Variants in SS18L1 observed in about 807,000 individuals in gnomAD.
SS18L1 encodes calcium-responsive transactivator.
SS18L1 carries 32 observed loss-of-function variants against 70.3 expected under a neutral mutation model. The observed-to-expected ratio is 0.46, with a 90% confidence interval of 0.34 to 0.61. The LOEUF is 0.61. Among genes scored for constraint, SS18L1 ranks in the 20% least tolerant of loss-of-function variants. The pLI is 0.01. For missense variants in SS18L1, 430 were observed against 542.1 expected (o/e 0.79, Z 2.05); for synonymous variants, 237 against 229.7 (o/e 1.03, Z -0.29).
rs2057267755 is a variant in SS18L1, at chr20:62,158,686, C to T, written c.84C>T (p.Asn28=). ...QQTIQKMLDE[N]HHLIQCILEY... ...TCTCTCCGCAGATGCTGGACGAGAACCACCACCTGATCCAGTGCATCCTGG... is the reference window on the plus strand; with the variant it reads ...TCTCTCCGCAGATGCTGGACGAGAATCACCACCTGATCCAGTGCATCCTGG... The change falls in exon 2 of 11, where the codon AAC becomes AAT. Residue 28 remains asparagine (N), a synonymous_variant. Coordinates refer to ENST00000331758, the MANE Select transcript of SS18L1 (RefSeq NM_198935.3). This position sits in a 1 kb window ranked among gnomAD's most constrained non-coding sequence, Gnocchi z 4.5. 1 of 1,612,590 alleles carries T rather than the reference C, an allele frequency of 6.2e-7. No homozygotes were observed. The highest frequency in any genetic ancestry group is 1.7e-5 in the Admixed American group (1 of 60,010).
rs1348952987 is a variant in SS18L1, at chr20:62,162,927, C to A, written c.552C>A (p.Asn184Lys). 1.2e-6 allele frequency: 2 copies of A among 1,611,396 alleles called. No homozygotes were observed. Among genetic ancestry groups the A allele is most frequent in the Non-Finnish European group, 1.7e-6 (2 of 1,179,692 alleles). ...GGACCAACATCAACATGCAGTCCAA[C>A]CCAGGTACCTACTCTGCCTCTGCAA... is the stretch of plus-strand genomic sequence containing the variant. ...VSRTNINMQS[N>K]PVSMMQQQAA... Residue 184 changes from asparagine to lysine, a missense_variant, in exon 5 of 11, where the codon AAC (asparagine) becomes AAA (lysine). Coordinates refer to ENST00000331758, the MANE Select transcript of SS18L1 (RefSeq NM_198935.3).
At chr20:62,154,462 C>T (rs2057187275) in intron 1 of SS18L1, 5 of 1,029,842 alleles carry the variant, frequency 4.9e-6, no homozygotes. Flanking sequence ...CGGAAACCTC[C>T]ATGGTGAGTT....
intron 4 of SS18L1, chr20:62,162,524 G>C: frequency 1.4e-5 from 7 of 489,582 alleles, no homozygotes; most frequent in Non-Finnish European, 2.1e-5. Context: ...GGCTGGTTTC[G>C]AACTCTTGAC....
intron 8 of SS18L1, among the ~76,000 whole-genome samples, chr20:62,168,254 AAG>A (rs1240347195): frequency 1.3e-5 from 2 of 152,086 alleles, no homozygotes; most frequent in East Asian, 3.9e-4. Flanking sequence ...CTTGATTTAG[AAG>A]CATTTTATTC....
Position 62,172,786 on chromosome 20 carries a change from C to T in SS18L1, c.1021C>T (p.Gln341Ter). 6.2e-7 allele frequency: 1 copy of T among 1,613,278 alleles called. No individual in the cohort carries two copies. Among genetic ancestry groups the T allele is most frequent in the Non-Finnish European group, 8.5e-7 (1 of 1,179,678 alleles). The part of the protein sequence containing the change: ...QYPSQQSYPG[Q>*]QQGYGSAQGA... The stretch of plus-strand genomic sequence containing the variant: ...CCCCAGCCAGCAGAGCTACCCCGGG[C>T]AGCAGCAGGGCTACGGTAAGAGGCG... The change falls in exon 9 of 11, where the codon CAG becomes TAG. Residue 341 changes from glutamine (Q) to a stop codon, truncating the protein, a stop_gained. Coordinates refer to ENST00000331758, the MANE Select transcript of SS18L1 (RefSeq NM_198935.3). LOFTEE classifies it high-confidence loss of function.
chr20:62,157,635 T>C (rs1420713510), intron 1 of SS18L1, among the ~76,000 whole-genome samples: 1 of 152,188 alleles, frequency 6.6e-6, no homozygotes, highest in Non-Finnish European at 1.5e-5. Context: ...CCTGAGTCAC[T>C]TGAAACTGGT....
rs145718196 is a variant in SS18L1, at chr20:62,161,539, G to T, written c.335G>T (p.Gly112Val). 8.7e-6 allele frequency: 14 copies of T among 1,612,066 alleles called. No individual in the cohort carries two copies. In the African/African-American group the frequency reaches 1.9e-4, roughly 22 times the overall value. The change falls in exon 4 of 11, where the codon GGC becomes GTC. Residue 112 changes from glycine to valine, a missense_variant. By Grantham distance (109) the Gly-to-Val change is moderately radical. Coordinates refer to ENST00000331758, the MANE Select transcript of SS18L1 (RefSeq NM_198935.3). The surrounding 1 kb of genome is among the most constrained non-coding windows in gnomAD (Gnocchi z 4.4). ...AGCCTGAGTGACGCCATCAGCACGG[G>T]CCTGCCACCCTCCTCCCTCCTGCAG... The part of the protein sequence containing the change: ...QGSLSDAIST[G>V]LPPSSLLQGQ...
Position 62,180,308 on chromosome 20 carries a change from C to T in SS18L1, c.*1100C>T, listed in dbSNP as rs1363991219. 1.1e-5 allele frequency: 2 copies of T among 190,074 alleles called. No homozygotes were observed. Among genetic ancestry groups the T allele is most frequent in the African/African-American group, 2.3e-5 (1 of 42,876 alleles). The allele number at this position is 190,074 out of a possible 1,614,324, so 11.8% of individuals were successfully genotyped here. A position where few individuals can be genotyped will look rare whatever the true frequency, so the allele number is the denominator to read the frequency against. On this transcript the variant is annotated 3_prime_UTR_variant, in exon 11 of 11. Transcript: ENST00000331758. ...AGAAACTTGAGTAATTTTTACATTT[C>T]TAAGACATTAAATCCCATTTAAATT...
At chr20:62,173,298 T>C (rs1337996986) in intron 9 of SS18L1, among the ~76,000 whole-genome samples, 2 of 152,202 alleles carry the variant, frequency 1.3e-5, no homozygotes, top group East Asian at 1.9e-4. Flanking sequence ...AGGTCTTTTG[T>C]TGGAGCAAGA....
At chr20:62,151,810 C>T (rs562471899) in intron 1 of SS18L1, among the ~76,000 whole-genome samples, 13 of 151,408 alleles carry the variant, frequency 8.6e-5, no homozygotes, top group East Asian at 6.1e-4. Flanking sequence ...CCCCCGTTCC[C>T]CTCTTTTCCC....
intron 5 of SS18L1, among the ~76,000 whole-genome samples, chr20:62,163,207 G>A (rs755048821): frequency 4.6e-5 from 7 of 152,164 alleles, no homozygotes; most frequent in Non-Finnish European, 1.0e-4. Context: ...GGGGGCCACT[G>A]GCCCTGGGTC....
At position 62,159,251 on chromosome 20, in the gene SS18L1, G is replaced by A. The variant is rs551839498; in HGVS notation, c.146+503G>A. Reference sequence around the variant, plus strand: ...ACCTCCTGTGACCCTGTGAACCTAGGGCCTGATGCGTAGGAGGGGTGCGTG... The same window carrying A: ...ACCTCCTGTGACCCTGTGAACCTAGAGCCTGATGCGTAGGAGGGGTGCGTG... On this transcript the variant is annotated intron_variant, in intron 2 of 10. Transcript: ENST00000331758. The surrounding 1 kb of genome is among the most constrained non-coding windows in gnomAD (Gnocchi z 4.4). 7.2e-4 allele frequency among the ~76,000 whole-genome samples: 109 copies of A among 152,274 alleles called. No individual in the cohort carries two copies. Among genetic ancestry groups the A allele is most frequent in the African/African-American group, 2.6e-3 (107 of 41,550 alleles).
chr20:62,153,827 C>T (rs1366420709), intron 1 of SS18L1, among the ~76,000 whole-genome samples: 1 of 152,188 alleles, frequency 6.6e-6, no homozygotes, highest in Non-Finnish European at 1.5e-5. Flanking sequence ...CTGGGATTTG[C>T]TCCCTTGGTT....
At chr20:62,154,977 A>G (rs1303884636) in intron 1 of SS18L1, among the ~76,000 whole-genome samples, 1 of 151,766 alleles carries the variant, frequency 6.6e-6, no homozygotes, top group Non-Finnish European at 1.5e-5. Context: ...ACAGGTTTTC[A>G]CCTCCAGAGC....
chr20:62,163,564 C>T lies in SS18L1; in HGVS notation c.663C>T (p.Ser221=), dbSNP rs6089674. The T allele has an allele frequency of 0.037, 59,283 of 1,610,216 alleles. 1,262 individuals carry two copies. The highest frequency in any genetic ancestry group is 0.043 in the Non-Finnish European group (51,299 of 1,179,522). Reference sequence around the variant, plus strand: ...CCATCGCCATGATGGGGCAGGGCAGCCAGGGGAGCAGCATGATGGGGCAGC... The same window carrying T: ...CCATCGCCATGATGGGGCAGGGCAGTCAGGGGAGCAGCATGATGGGGCAGC... ...QSSIAMMGQG[S]QGSSMMGQRP... Residue 221 remains serine (S), a synonymous_variant, in exon 6 of 11, where the codon AGC becomes AGT. Transcript: ENST00000331758.
Position 62,151,851 on chromosome 20 carries a change from T to A in SS18L1, c.70-6821T>A, listed in dbSNP as rs1053377571. 1.9e-4 allele frequency among the ~76,000 whole-genome samples: 15 copies of A among 80,634 alleles called. 1 individual carries two copies. The highest frequency in any genetic ancestry group is 3.4e-4 in the East Asian group (1 of 2,950). The allele number at this position is 80,634 out of a possible 152,430, so 52.9% of individuals were successfully genotyped here. ...CCATAGCTGGCCTCCCCCGTTCCCC[T>A]CTTTTCCCGCTCCCCAGAGCTGGCC... On this transcript the variant is annotated intron_variant, in intron 1 of 10. Coordinates refer to ENST00000331758, the MANE Select transcript of SS18L1 (RefSeq NM_198935.3).
At chr20:62,150,905 A>G (rs2145701074) in intron 1 of SS18L1, among the ~76,000 whole-genome samples, 1 of 152,168 alleles carries the variant, frequency 6.6e-6, no homozygotes, top group East Asian at 1.9e-4. Flanking sequence ...ACGCTTCCAG[A>G]ATCGGCAGAG....
At chr20:62,156,511 G>A (rs1282980196) in intron 1 of SS18L1, among the ~76,000 whole-genome samples, 3 of 152,240 alleles carry the variant, frequency 2.0e-5, no homozygotes, top group African/African-American at 7.2e-5. Flanking sequence ...TGGAAAGGGG[G>A]AAGGTATAAC....
chr20:62,157,919 A>AC (rs527422835), intron 1 of SS18L1, among the ~76,000 whole-genome samples: 7 of 147,684 alleles, frequency 4.7e-5, no homozygotes, highest in East Asian at 4.0e-4. Flanking sequence ...GCCGTCCCTG[A>AC]CCCCCCCAGA....
Sources: allele counts gnomAD v4.1 joint callset (sites outside exome capture counted in the v4.1 genomes callset), GRCh38; gene constraint gnomAD v4.1.1; non-coding constraint Gnocchi (gnomAD v3.1); transcripts MANE v1.5; gene names NCBI Gene and HGNC (gene_info 2026-07-23, HGNC 2026-07-21).